The following FAAH2 variants were observed in gnomAD, a reference collection of about 807,000 sequenced individuals.
FAAH2 encodes the protein fatty-acid amide hydrolase 2.
In FAAH2, 60 loss-of-function variants were observed where a neutral mutation model predicts 36.9. The ratio of observed to expected loss-of-function variants is 1.63; its 90% CI spans 1.32 to 2.02. The LOEUF (loss-of-function observed/expected upper bound fraction) is 2.02, where lower values mean the gene tolerates loss of function less well. Ranked by LOEUF, FAAH2 falls within the 30% of genes most tolerant of loss-of-function variation. The probability of loss-of-function intolerance (pLI) is 0.00; values close to 1 mark genes in which losing one functional copy is unlikely to be tolerated. For missense variants in FAAH2, 689 were observed against 397.5 expected (o/e 1.73, Z -6.23); for synonymous variants, 214 against 143.8 (o/e 1.49, Z -3.49).
chrX:57,389,740 G>A (rs953829702), intron 7 of FAAH2, among the ~76,000 whole-genome samples: 8 of 110,763 alleles, frequency 7.2e-5, no homozygotes, highest in Non-Finnish European at 1.3e-4. Context: ...ATTACTAGAC[G>A]TAGCATTGCT....
chrX:57,215,549 A>G, the FAAH2 span, among the ~76,000 whole-genome samples: 1 of 111,737 alleles, frequency 8.9e-6, no homozygotes, highest in Non-Finnish European at 1.9e-5. Context: ...ACAATATCAA[A>G]GACATGGAAC....
intron 5 of FAAH2, among the ~76,000 whole-genome samples, chrX:57,342,650 G>A (rs950695294): frequency 1.8e-5 from 2 of 111,047 alleles, no homozygotes; most frequent in Non-Finnish European, 3.8e-5. Context: ...CGTTCAGGGG[G>A]CACATATGCG....
At chrX:57,202,287 G>A in the FAAH2 span, among the ~76,000 whole-genome samples, 1,111 of 111,944 alleles carry the variant, frequency 9.9e-3, 16 homozygotes, top group Non-Finnish European at 0.015. Flanking sequence ...TTCTTGGAAA[G>A]GCTTTCCAGA....
At chrX:57,214,056 T>G in the FAAH2 span, among the ~76,000 whole-genome samples, 1 of 111,742 alleles carries the variant, frequency 8.9e-6, no homozygotes, top group East Asian at 2.8e-4. Context: ...ATTATATAAT[T>G]GTGTTATTTG....
chrX:57,441,658 A>G (rs1217697477), intron 8 of FAAH2, among the ~76,000 whole-genome samples: 2 of 109,683 alleles, frequency 1.8e-5, no homozygotes, highest in South Asian at 7.9e-4. Context: ...TAGCTTTTGA[A>G]TGTGTTGGCT....
At chrX:57,335,592 C>A (rs1389405872) in intron 4 of FAAH2, among the ~76,000 whole-genome samples, 2 of 112,903 alleles carry the variant, frequency 1.8e-5, no homozygotes, top group Non-Finnish European at 3.7e-5. Flanking sequence ...GGGCTTTACA[C>A]CAAGACATTC....
chrX:57,216,623 C>T, the FAAH2 span, among the ~76,000 whole-genome samples: 3 of 49,934 alleles, frequency 6.0e-5, no homozygotes, highest in African/African-American at 1.8e-4. Flanking sequence ...TATATATATA[C>T]GTATATATAT....
At chrX:57,277,702 G>C in the FAAH2 span, among the ~76,000 whole-genome samples, 3 of 112,058 alleles carry the variant, frequency 2.7e-5, no homozygotes, top group Non-Finnish European at 5.6e-5. Context: ...ATCTCCTTAA[G>C]CTGATAAGCA....
the FAAH2 span, among the ~76,000 whole-genome samples, chrX:57,205,331 C>G: frequency 8.9e-6 from 1 of 112,414 alleles, no homozygotes; most frequent in African/African-American, 3.2e-5. Flanking sequence ...GCAGTAATAA[C>G]TAGGCAATCA....
chrX:57,440,992 G>A (rs912622241), intron 8 of FAAH2, among the ~76,000 whole-genome samples: 4 of 111,620 alleles, frequency 3.6e-5, no homozygotes, highest in African/African-American at 9.8e-5. Flanking sequence ...TGTGCTCCTG[G>A]ATTCAGTTTG....
At chrX:57,248,919 G>A in the FAAH2 span, among the ~76,000 whole-genome samples, 1 of 104,128 alleles carries the variant, frequency 9.6e-6, no homozygotes, top group Non-Finnish European at 1.9e-5. Context: ...AAGAAGTTTA[G>A]ATATTCCCTT....
intron 8 of FAAH2, among the ~76,000 whole-genome samples, chrX:57,441,469 G>A (rs1294027680): frequency 3.6e-5 from 4 of 110,246 alleles, no homozygotes; most frequent in African/African-American, 9.9e-5. Flanking sequence ...ATTTTTTATT[G>A]CATCTATTTG....
chrX:57,288,176 G>T (rs772386287), intron 1 of FAAH2, among the ~76,000 whole-genome samples: 1 of 110,181 alleles, frequency 9.1e-6, no homozygotes, highest in South Asian at 3.9e-4. Flanking sequence ...TCATGGCTCT[G>T]TGACCTTGTG....
At chrX:57,244,297 A>T in the FAAH2 span, among the ~76,000 whole-genome samples, 1 of 110,764 alleles carries the variant, frequency 9.0e-6, no homozygotes, top group Non-Finnish European at 1.9e-5. Flanking sequence ...GATGGGGAGA[A>T]TGGAACCAAG....
chrX:57,341,482 G>A (rs745455814), intron 5 of FAAH2, 92 bp downstream of exon 5: 2 of 976,612 alleles, frequency 2.0e-6, no homozygotes, highest in Non-Finnish European at 2.8e-6. Context: ...TGCTTATCAG[G>A]GTGATTATTA....
intron 10 of FAAH2, among the ~76,000 whole-genome samples, chrX:57,478,784 G>A (rs1425328661): frequency 8.9e-6 from 1 of 111,800 alleles, no homozygotes; most frequent in African/African-American, 3.2e-5. Flanking sequence ...GTTTGTCAAA[G>A]ATCAGATAGT....
At chrX:57,144,226 G>A in the FAAH2 span, among the ~76,000 whole-genome samples, 2 of 110,883 alleles carry the variant, frequency 1.8e-5, no homozygotes, top group Non-Finnish European at 3.8e-5. Context: ...TTCTTTTGCC[G>A]ACTTTAGGAT....
chrX:57,445,558 C>G (rs1259163595), intron 8 of FAAH2, among the ~76,000 whole-genome samples: 4 of 111,806 alleles, frequency 3.6e-5, no homozygotes, highest in Non-Finnish European at 7.5e-5. Context: ...CCTCCTGGTA[C>G]TGGGTTCTTC....
chrX:57,170,916 G>A, the FAAH2 span, among the ~76,000 whole-genome samples: 1 of 109,077 alleles, frequency 9.2e-6, no homozygotes, highest in Non-Finnish European at 1.9e-5. Context: ...CACCATGTTG[G>A]CCAGGCTGGT....
Sources: gnomAD v4.1 joint callset for allele counts (sites outside exome capture counted in the v4.1 genomes callset) on GRCh38, gnomAD v4.1.1 for gene constraint, MANE v1.5 for transcripts, NCBI Gene and HGNC (gene_info 2026-07-23, HGNC 2026-07-21) for gene names.